The following PPP1R13B variants were observed in gnomAD, a reference collection of about 807,000 sequenced individuals.
The protein encoded by PPP1R13B is apoptosis-stimulating of p53 protein 1.
A neutral mutation model predicts 119.8 loss-of-function variants in PPP1R13B; 44 were observed. The observed-to-expected ratio is 0.37, with a 90% CI of 0.29 to 0.47. The LOEUF is 0.47. Among genes scored for constraint, PPP1R13B ranks in the 20% least tolerant of loss-of-function variants. PPP1R13B has a pLI of 0.99. For synonymous variants in PPP1R13B, 542 were observed against 561.5 expected, an observed-to-expected ratio of 0.97 and a Z score of 0.49; for missense variants, 1,227 against 1,413.5, an observed-to-expected ratio of 0.87 and a Z score of 2.12.
intron 1 of PPP1R13B, among the ~76,000 whole-genome samples, chr14:103,799,912 G>A (rs537935806): frequency 1.8e-4 from 28 of 151,908 alleles, no homozygotes; most frequent in East Asian, 1.6e-3. Flanking sequence ...TTAGCCAGGC[G>A]CGGTGGCACG....
At chr14:103,778,697 C>T (rs74372983) in intron 4 of PPP1R13B, 48 bp downstream of exon 4, 84,308 of 1,486,822 alleles carry the variant, frequency 0.057, 2,771 homozygotes, top group Middle Eastern at 0.11. Flanking sequence ...TAACCCACTG[C>T]ACCTAGCCAT....
At chr14:103,835,770 A>G (rs1053749864) in intron 1 of PPP1R13B, among the ~76,000 whole-genome samples, 52 of 149,268 alleles carry the variant, frequency 3.5e-4, no homozygotes, top group African/African-American at 1.2e-3. Flanking sequence ...CACCATGCCC[A>G]GCTAATTTTT....
intron 1 of PPP1R13B, among the ~76,000 whole-genome samples, chr14:103,801,769 A>G (rs1039381104): frequency 1.2e-4 from 18 of 152,228 alleles, no homozygotes; most frequent in African/African-American, 4.3e-4. Context: ...CATGAATGAC[A>G]CACAAATATA....
chr14:103,741,769 G>A (rs1180375366), intron 11 of PPP1R13B, 21 bp downstream of exon 11: 3 of 1,585,652 alleles, frequency 1.9e-6, no homozygotes, highest in Admixed American at 1.8e-5. Context: ...CCAAGAAAAG[G>A]AGAGTATAAA....
At chr14:103,846,692 G>A (rs140204102) in intron 1 of PPP1R13B, 28 of 455,416 alleles carry the variant, frequency 6.1e-5, no homozygotes, top group African/African-American at 3.6e-4. Context: ...ATCCTTAAGG[G>A]CAGGACAAAG....
chr14:103,846,474 C>G (rs983063527), intron 1 of PPP1R13B, among the ~76,000 whole-genome samples: 1 of 152,186 alleles, frequency 6.6e-6, no homozygotes, highest in Non-Finnish European at 1.5e-5. Flanking sequence ...GAGAATTTTA[C>G]TTACGATATA....
chr14:103,806,589 T>A (rs1038723714), intron 1 of PPP1R13B, among the ~76,000 whole-genome samples: 1 of 152,104 alleles, frequency 6.6e-6, no homozygotes, highest in Non-Finnish European at 1.5e-5. Context: ...CTGGCCCTGA[T>A]TGCAACTCAG....
intron 8 of PPP1R13B, chr14:103,746,982 G>C (rs1237315443): frequency 6.5e-6 from 1 of 154,220 alleles, no homozygotes; most frequent in Non-Finnish European, 1.4e-5. Flanking sequence ...TCACACCCGT[G>C]GAGTCGGGAT....
intron 9 of PPP1R13B, among the ~76,000 whole-genome samples, chr14:103,745,348 G>T (rs1331620866): frequency 1.3e-5 from 2 of 152,216 alleles, no homozygotes; most frequent in Non-Finnish European, 2.9e-5. Flanking sequence ...AAAGGGGCTC[G>T]AAACACAGGC....
chr14:103,784,693 G>T, intron 3 of PPP1R13B, 102 bp downstream of exon 3: 1 of 1,182,842 alleles, frequency 8.5e-7, no homozygotes. Context: ...ACTTGTAAGT[G>T]CAGGGCCGGG....
intron 4 of PPP1R13B, 74 bp downstream of exon 4, chr14:103,778,671 G>T: frequency 8.0e-7 from 1 of 1,247,190 alleles, no homozygotes; most frequent in Non-Finnish European, 1.2e-6. Context: ...CTCCCAAAGT[G>T]CTGAGATTAC....
chr14:103,793,059 G>A (rs2085663485), intron 2 of PPP1R13B, among the ~76,000 whole-genome samples: 1 of 137,188 alleles, frequency 7.3e-6, no homozygotes, highest in African/African-American at 2.7e-5. Context: ...GCGACAGGGC[G>A]AGACTCTGTC....
At chr14:103,785,123 A>C (rs1450668311) in intron 2 of PPP1R13B, among the ~76,000 whole-genome samples, 1 of 152,232 alleles carries the variant, frequency 6.6e-6, no homozygotes, top group Non-Finnish European at 1.5e-5. Flanking sequence ...ATAAACACAA[A>C]AAGTATCCAC....
intron 1 of PPP1R13B, among the ~76,000 whole-genome samples, chr14:103,812,299 T>C (rs148075732): frequency 0.013 from 1,969 of 151,228 alleles, 46 homozygotes; most frequent in African/African-American, 0.045. Context: ...AATTTTTGTA[T>C]ATTTTTAGTA....
chr14:103,835,019 T>C (rs1490325178), intron 1 of PPP1R13B, among the ~76,000 whole-genome samples: 1 of 152,198 alleles, frequency 6.6e-6, no homozygotes, highest in Non-Finnish European at 1.5e-5. Context: ...AGTAATAGGG[T>C]AATTGTGATC....
intron 7 of PPP1R13B, among the ~76,000 whole-genome samples, chr14:103,752,424 G>A (rs1463438781): frequency 1.3e-5 from 2 of 151,854 alleles, no homozygotes; most frequent in Non-Finnish European, 2.9e-5. Flanking sequence ...TGATAAAAAT[G>A]TTCTAAAATT....
intron 7 of PPP1R13B, among the ~76,000 whole-genome samples, chr14:103,751,214 G>T (rs2084537116): frequency 6.6e-6 from 1 of 152,150 alleles, no homozygotes; most frequent in Non-Finnish European, 1.5e-5. Flanking sequence ...CAAAAAGTTG[G>T]AAATAAATGA....
At chr14:103,847,090 G>A (rs1056574615) in intron 1 of PPP1R13B, 7 of 992,274 alleles carry the variant, frequency 7.1e-6, no homozygotes, top group South Asian at 4.3e-5. Flanking sequence ...AGGGCCCGCA[G>A]GCGGCCCCGG....
At chr14:103,781,744 C>A (rs1293647851) in intron 3 of PPP1R13B, among the ~76,000 whole-genome samples, 1 of 152,106 alleles carries the variant, frequency 6.6e-6, no homozygotes, top group African/African-American at 2.4e-5. Context: ...CTCTGCCTCC[C>A]GGGTTCACAC....
Sources: gnomAD v4.1 joint callset for allele counts (sites outside exome capture counted in the v4.1 genomes callset) on GRCh38, gnomAD v4.1.1 for gene constraint, MANE v1.5 for transcripts, NCBI Gene and HGNC (gene_info 2026-07-23, HGNC 2026-07-21) for gene names.